The following DRC4 variants were observed in gnomAD, a reference collection of about 807,000 sequenced individuals.
DRC4 encodes GAS-11.
chr16:90,043,441 T>C, the DRC4 span: 1 of 1,227,450 alleles, frequency 8.1e-7, no homozygotes, highest in Non-Finnish European at 1.1e-6. Context: ...TTTTAGATTT[T>C]ATCATCAGCA....
the DRC4 span, chr16:90,042,558 C>A: frequency 6.2e-7 from 1 of 1,600,994 alleles, no homozygotes; most frequent in South Asian, 1.1e-5. Flanking sequence ...CCTGCCCTCC[C>A]TCAGGGGCAC....
At chr16:90,030,100 G>T in the DRC4 span, among the ~76,000 whole-genome samples, 1 of 152,070 alleles carries the variant, frequency 6.6e-6, no homozygotes, top group Admixed American at 6.6e-5. Flanking sequence ...AAAGCTGGAA[G>T]CCTGTCCTAC....
the DRC4 span, chr16:90,022,783 A>C: frequency 1.5e-6 from 2 of 1,296,290 alleles, no homozygotes; most frequent in Non-Finnish European, 2.0e-6. Context: ...ACCTCGGGGC[A>C]GGGAGGCCTC....
the DRC4 span, among the ~76,000 whole-genome samples, chr16:90,041,034 C>T: frequency 6.6e-6 from 1 of 152,112 alleles, no homozygotes; most frequent in East Asian, 1.9e-4. Context: ...GCACTGGGCC[C>T]AGTGAGCACA....
the DRC4 span, chr16:90,029,288 G>A: frequency 7.3e-7 from 1 of 1,366,398 alleles, no homozygotes; most frequent in Non-Finnish European, 9.8e-7. Context: ...CAGGCAGGTG[G>A]GGAGGGATGG....
At chr16:90,044,431 C>T in the DRC4 span, 2 of 459,054 alleles carry the variant, frequency 4.4e-6, no homozygotes, top group Non-Finnish European at 9.1e-6. Context: ...GATGCCCGGC[C>T]AGCAGGACCT....
chr16:90,036,576 A>G, the DRC4 span: 6 of 1,577,436 alleles, frequency 3.8e-6, no homozygotes, highest in African/African-American at 5.4e-5. Context: ...GCCCTCATCA[A>G]CTCCCTCAAG....
At chr16:90,036,995 G>A in the DRC4 span, 29 of 578,696 alleles carry the variant, frequency 5.0e-5, no homozygotes, top group Admixed American at 2.9e-4. Flanking sequence ...GCCCTTGGTG[G>A]AATCTTGAAC....
At chr16:90,040,046 T>C in the DRC4 span, 13 of 532,850 alleles carry the variant, frequency 2.4e-5, no homozygotes, top group South Asian at 6.1e-5. Flanking sequence ...AGGACACTTA[T>C]GGCTTCCAGA....
At chr16:90,037,959 C>T in the DRC4 span, 1 of 935,638 alleles carries the variant, frequency 1.1e-6, no homozygotes, top group African/African-American at 1.6e-5. Context: ...GGGATGGCAC[C>T]CCTGCTAGCC....
At chr16:90,023,844 T>G in the DRC4 span, among the ~76,000 whole-genome samples, 2 of 148,552 alleles carry the variant, frequency 1.3e-5, no homozygotes, top group East Asian at 3.9e-4. Flanking sequence ...ATACAAAAAT[T>G]AGCTGGGTGT....
At chr16:90,044,381 A>T in the DRC4 span, 6 of 416,940 alleles carry the variant, frequency 1.4e-5, no homozygotes, top group South Asian at 1.1e-4. Flanking sequence ...GAGCTCACCT[A>T]CCTGCCACCG....
the DRC4 span, chr16:90,035,902 A>T: frequency 6.9e-7 from 1 of 1,452,222 alleles, no homozygotes; most frequent in Non-Finnish European, 9.1e-7. Flanking sequence ...GGCTGTGATT[A>T]CCACACACAT....
chr16:90,038,789 G>A, the DRC4 span, among the ~76,000 whole-genome samples: 6 of 152,158 alleles, frequency 3.9e-5, no homozygotes, highest in African/African-American at 1.2e-4. Flanking sequence ...AGGGGTGCTC[G>A]GTCCTGTCTC....
chr16:90,038,618 A>G, the DRC4 span, among the ~76,000 whole-genome samples: 1 of 152,168 alleles, frequency 6.6e-6, no homozygotes, highest in Non-Finnish European at 1.5e-5. Flanking sequence ...GACCCTGATC[A>G]TCTGTCCAGA....
chr16:90,037,175 A>C, the DRC4 span: 30 of 1,517,436 alleles, frequency 2.0e-5, no homozygotes, highest in Non-Finnish European at 1.9e-5. Flanking sequence ...CATGCAGGCC[A>C]CAGCCCCTTT....
chr16:90,042,305 C>G, the DRC4 span: 1 of 674,186 alleles, frequency 1.5e-6, no homozygotes, highest in Non-Finnish European at 2.7e-6. Flanking sequence ...TTCTCTCCAC[C>G]CTTGGAGACC....
chr16:90,023,597 AGGG>A, the DRC4 span, among the ~76,000 whole-genome samples: 88 of 149,466 alleles, frequency 5.9e-4, 5 homozygotes, highest in Middle Eastern at 6.9e-3. Flanking sequence ...CTTGGAGTGG[AGGG>A]ATTAAAAAGA....
chr16:90,040,855 A>ATGGGGGAACGACGGGTCCCGGCCC, the DRC4 span, among the ~76,000 whole-genome samples: 17 of 151,934 alleles, frequency 1.1e-4, no homozygotes, highest in Non-Finnish European at 2.2e-4. Flanking sequence ...GTGTTTGCAC[A>ATGGGGGAACGACGGGTCCCGGCCC]TGGGGGAACG....
Sources: allele counts gnomAD v4.1 joint callset (sites outside exome capture counted in the v4.1 genomes callset), GRCh38; gene constraint gnomAD v4.1.1; transcripts MANE v1.5; gene names NCBI Gene and HGNC (gene_info 2026-07-23, HGNC 2026-07-21).